The following MARK1 variants were observed in gnomAD, a reference collection of about 807,000 sequenced individuals.
MARK1 encodes serine/threonine-protein kinase MARK1.
Under a neutral mutation model 96.3 loss-of-function variants are expected in MARK1, and 40 were observed. That is an observed-to-expected ratio of 0.42 (90% CI 0.32 to 0.54). MARK1 has a LOEUF of 0.54. Ranked by LOEUF, MARK1 falls within the 20% of genes least tolerant of loss-of-function variation. The pLI is 0.16. For missense variants in MARK1, 719 were observed against 984.6 expected, an observed-to-expected ratio of 0.73 and a Z score of 3.61; for synonymous variants, 317 against 341.2, an observed-to-expected ratio of 0.93 and a Z score of 0.78.
chr1:220,540,859 C>T (rs1336240139), intron 1 of MARK1, among the ~76,000 whole-genome samples: 1 of 151,404 alleles, frequency 6.6e-6, no homozygotes, highest in Non-Finnish European at 1.5e-5. Flanking sequence ...CTTTCTTCTG[C>T]TAAATTTTGA....
intron 11 of MARK1, among the ~76,000 whole-genome samples, chr1:220,633,975 T>G (rs1281537588): frequency 6.6e-6 from 1 of 152,208 alleles, no homozygotes; most frequent in Non-Finnish European, 1.5e-5. Flanking sequence ...CACACAGTAG[T>G]GTGCCAGGAA....
intron 13 of MARK1, among the ~76,000 whole-genome samples, chr1:220,643,571 G>A (rs1365099325): frequency 3.3e-5 from 5 of 152,006 alleles, no homozygotes; most frequent in Non-Finnish European, 4.4e-5. Flanking sequence ...CAGAAAATAC[G>A]GAGGACCCCA....
intron 3 of MARK1, among the ~76,000 whole-genome samples, chr1:220,593,615 T>C (rs1385613769): frequency 6.6e-6 from 1 of 152,174 alleles, no homozygotes; most frequent in Non-Finnish European, 1.5e-5. Context: ...ACTGTCAGCC[T>C]GGGAGTCTCT....
intron 1 of MARK1, among the ~76,000 whole-genome samples, chr1:220,536,278 T>G (rs112685403): frequency 5.5e-4 from 84 of 152,260 alleles, no homozygotes; most frequent in Middle Eastern, 6.8e-3. Flanking sequence ...CTAACTGCTC[T>G]GCCTAGGACT....
intron 1 of MARK1, among the ~76,000 whole-genome samples, chr1:220,537,350 G>C (rs1660776353): frequency 6.7e-6 from 1 of 148,534 alleles, no homozygotes; most frequent in Admixed American, 6.8e-5. Context: ...TTGGTTTTTT[G>C]TTCTTGCAAT....
At chr1:220,622,668 G>A (rs560377082) in intron 9 of MARK1, among the ~76,000 whole-genome samples, 2 of 152,212 alleles carry the variant, frequency 1.3e-5, no homozygotes, top group African/African-American at 2.4e-5. Context: ...AGGCCAAGGC[G>A]GGCAGATCAC....
chr1:220,610,246 T>A (rs1666360778), intron 6 of MARK1, among the ~76,000 whole-genome samples: 1 of 152,198 alleles, frequency 6.6e-6, no homozygotes, highest in Admixed American at 6.5e-5. Flanking sequence ...CTTTGTTCAT[T>A]TCTTTCTACT....
chr1:220,641,570 G>A (rs950045151), intron 13 of MARK1, among the ~76,000 whole-genome samples: 3 of 151,832 alleles, frequency 2.0e-5, no homozygotes, highest in Non-Finnish European at 4.4e-5. Context: ...AGACATGAAC[G>A]CTAAGAAAAG....
At chr1:220,661,076 C>T (rs539793999) in intron 17 of MARK1, among the ~76,000 whole-genome samples, 44 of 152,136 alleles carry the variant, frequency 2.9e-4, no homozygotes, top group Non-Finnish European at 3.4e-4. Context: ...GCATTCATGA[C>T]AGAGGGAACA....
chr1:220,645,620 A>G (rs775343221), intron 13 of MARK1, among the ~76,000 whole-genome samples: 5 of 152,182 alleles, frequency 3.3e-5, no homozygotes, highest in African/African-American at 4.8e-5. Flanking sequence ...ACTTCAGGTC[A>G]ATGTCCCTGA....
chr1:220,553,969 A>G (rs572669582), intron 1 of MARK1, among the ~76,000 whole-genome samples: 269 of 152,324 alleles, frequency 1.8e-3, no homozygotes, highest in Non-Finnish European at 3.1e-3. Context: ...CAAAACTGGC[A>G]GGCTTTCAGA....
At chr1:220,635,584 GT>G in intron 12 of MARK1, 55 bp downstream of exon 12, 1 of 1,560,776 alleles carries the variant, frequency 6.4e-7, no homozygotes, top group East Asian at 2.2e-5. Flanking sequence ...CCAAATTTGT[GT>G]TTTTAAAGCA....
At chr1:220,528,980 G>T (rs1300868001) in intron 1 of MARK1, 107 bp downstream of exon 1, 8 of 1,139,542 alleles carry the variant, frequency 7.0e-6, no homozygotes, top group African/African-American at 4.9e-5. Flanking sequence ...GGCCACCCGC[G>T]GCAGGGTCTC....
chr1:220,581,649 A>G (rs924399927), intron 3 of MARK1, among the ~76,000 whole-genome samples: 2 of 152,174 alleles, frequency 1.3e-5, no homozygotes, highest in Non-Finnish European at 1.5e-5. Flanking sequence ...GTTTCCTTTT[A>G]TTGCTTCATT....
At chr1:220,637,131 C>G (rs1376177364) in intron 13 of MARK1, among the ~76,000 whole-genome samples, 1 of 152,116 alleles carries the variant, frequency 6.6e-6, no homozygotes, top group East Asian at 1.9e-4. Flanking sequence ...TTTGAAAACA[C>G]CTTAGTTGGA....
chr1:220,585,001 C>T (rs760413241), intron 3 of MARK1, among the ~76,000 whole-genome samples: 2 of 152,124 alleles, frequency 1.3e-5, no homozygotes, highest in Non-Finnish European at 2.9e-5. Flanking sequence ...CCAGTTCTTA[C>T]GTGGGCCAAC....
At chr1:220,617,626 T>C (rs1666828496) in intron 7 of MARK1, among the ~76,000 whole-genome samples, 1 of 152,202 alleles carries the variant, frequency 6.6e-6, no homozygotes, top group African/African-American at 2.4e-5. Context: ...TTTAGGATTT[T>C]GGAAAACCAT....
chr1:220,592,987 A>G (rs577380267), intron 3 of MARK1, among the ~76,000 whole-genome samples: 75 of 152,230 alleles, frequency 4.9e-4, no homozygotes, highest in Non-Finnish European at 9.7e-4. Flanking sequence ...GCAAGAATAG[A>G]TGAAGAAAGT....
intron 1 of MARK1, among the ~76,000 whole-genome samples, chr1:220,575,452 C>G (rs544494415): frequency 2.4e-4 from 36 of 152,170 alleles, no homozygotes; most frequent in African/African-American, 8.4e-4. Flanking sequence ...ATATTCTTGC[C>G]ACATTTTCTA....
Sources: gnomAD v4.1 joint callset for allele counts (sites outside exome capture counted in the v4.1 genomes callset) on GRCh38, gnomAD v4.1.1 for gene constraint, MANE v1.5 for transcripts, NCBI Gene and HGNC (gene_info 2026-07-23, HGNC 2026-07-21) for gene names.